Variants in VPS13C observed in about 807,000 individuals in gnomAD.
VPS13C encodes vacuolar protein sorting 13 homolog C.
In VPS13C, 358 loss-of-function variants were observed where a neutral mutation model predicts 456.8. The ratio of observed to expected loss-of-function variants is 0.78; its 90% CI spans 0.72 to 0.86. The LOEUF (loss-of-function observed/expected upper bound fraction) is 0.86, where lower values mean the gene tolerates loss of function less well. VPS13C is among the 40% of genes least tolerant of loss of function. VPS13C has a pLI of 0.00. For missense variants in VPS13C, 4,818 were observed against 4,385.4 expected (o/e 1.10, Z -2.79); for synonymous variants, 1,578 against 1,486.7 (o/e 1.06, Z -1.41).
intron 12 of VPS13C, among the ~76,000 whole-genome samples, chr15:62,011,898 TG>T (rs1328605754): frequency 6.6e-6 from 1 of 152,042 alleles, no homozygotes; most frequent in Non-Finnish European, 1.5e-5. Context: ...ACAGCTATAC[TG>T]CCCTTCTCTC....
chr15:61,961,487 A>G, intron 35 of VPS13C, 102 bp downstream of exon 35: 1 of 1,156,000 alleles, frequency 8.7e-7, no homozygotes, highest in Non-Finnish European at 1.2e-6. Context: ...GTAATGGAAC[A>G]GTTTATTTGA....
intron 3 of VPS13C, 49 bp from the exon 4 acceptor site, chr15:62,035,101 A>C: frequency 7.2e-7 from 1 of 1,389,926 alleles, no homozygotes. Context: ...CTGCTCAAGA[A>C]CACAAAAATT....
chr15:61,931,220 C>A lies in VPS13C; in HGVS notation c.5908G>T (p.Gly1970Cys). ...VAFHNDSFQL[G>C]ELRLHLMASS... ...GCCATAAGATGTAGTCTGAGTTCAC[C>A]AAGTTGGAAACTGTCATTATGAAAT... is the stretch of plus-strand genomic sequence containing the variant. The change falls in exon 50 of 85, where the codon GGT (glycine) becomes TGT (cysteine). Residue 1970 changes from glycine to cysteine, a missense_variant. Gly to Cys is a radical substitution (Grantham distance 159). Around this residue, in one of 3 missense-constraint regions of VPS13C, gnomAD observed 4,552 missense variants for 4,130.6 expected, o/e 1.10. Transcript: ENST00000644861. 1 of 1,613,976 alleles carries A rather than the reference C, an allele frequency of 6.2e-7. No individual in the cohort carries two copies.
Position 62,002,511 on chromosome 15 carries a change from C to T in VPS13C, c.1291-1885G>A, listed in dbSNP as rs184039927. On this transcript the variant is annotated intron_variant, in intron 15 of 84. Transcript: ENST00000644861. ...GGTAGTTTCTTTTGCTGTGCAGAAG[C>T]GCTTTAGTTTAATTAGATCCCACTT... Among the ~76,000 whole-genome samples the T allele has an allele frequency of 6.2e-4, 95 of 152,268 alleles. No homozygotes were observed. In the East Asian group the frequency reaches 0.016, roughly 25 times the overall value.
At chr15:62,007,973 G>C (rs1206354191) in intron 14 of VPS13C, among the ~76,000 whole-genome samples, 1 of 152,122 alleles carries the variant, frequency 6.6e-6, no homozygotes, top group Non-Finnish European at 1.5e-5. Context: ...AGGCACGGTG[G>C]CTCACGCCTG....
chr15:61,984,934 ATTC>A lies in VPS13C; in HGVS notation c.1641_1643del (p.Lys547del), dbSNP rs2045995707. On this transcript the variant is annotated inframe_deletion, in exon 19 of 85. Coordinates refer to ENST00000644861, the MANE Select transcript of VPS13C (RefSeq NM_020821.3). ...TCTGAATTTTTAGTATTTCTGGAAT[ATTC>A]TTGTTTTCTCTTATCGTAACAGAGG... 6.2e-7 allele frequency: 1 copy of A among 1,612,292 alleles called. No individual in the cohort carries two copies. Among genetic ancestry groups the A allele is most frequent in the Admixed American group, 1.7e-5 (1 of 59,758 alleles).
intron 69 of VPS13C, among the ~76,000 whole-genome samples, chr15:61,882,054 T>C (rs1431669431): frequency 6.6e-6 from 1 of 152,162 alleles, no homozygotes; most frequent in Admixed American, 6.6e-5. Context: ...GTATTAACAG[T>C]GTGCAGTATG....
At chr15:61,968,069 AT>A (rs962425611) in intron 28 of VPS13C, among the ~76,000 whole-genome samples, 2 of 152,022 alleles carry the variant, frequency 1.3e-5, no homozygotes, top group African/African-American at 4.8e-5. Flanking sequence ...TATTATTTAT[AT>A]TTTTCCCTCA....
rs184116761 is a variant in VPS13C at position 62,001,509 on chromosome 15, G to A, written c.1291-883C>T. Among the ~76,000 whole-genome samples, 103 of 151,820 alleles carry A rather than the reference G, an allele frequency of 6.8e-4. No homozygotes were observed. The East Asian group carries it at 0.016, about 23-fold the overall frequency. The stretch of plus-strand genomic sequence containing the variant: ...ATTTTTTTTGATTATTTGTTTGTTC[G>A]TATTTACTTTTTTTTTATTATTAGT... On this transcript the variant is annotated intron_variant, in intron 15 of 84. Transcript: ENST00000644861.
At chr15:62,048,506 T>C (rs954241790) in intron 1 of VPS13C, among the ~76,000 whole-genome samples, 4 of 152,164 alleles carry the variant, frequency 2.6e-5, no homozygotes, top group African/African-American at 9.7e-5. Flanking sequence ...TCTATCGTTG[T>C]TGGACACTTG....
chr15:61,958,747 T>C, intron 36 of VPS13C, 31 bp from the exon 37 acceptor site: 3 of 1,184,930 alleles, frequency 2.5e-6, no homozygotes, highest in Non-Finnish European at 2.3e-6. Flanking sequence ...AAAAAAACTA[T>C]ATTACGTTTT....
In VPS13C at chr15:61,867,717, A is replaced by G; in HGVS notation, c.10863+942T>C. The G allele has an allele frequency of 7.2e-7, 1 of 1,393,208 alleles. No homozygotes were observed. The highest frequency in any genetic ancestry group is 9.3e-7 in the Non-Finnish European group (1 of 1,074,724). 86.3% of individuals were successfully genotyped at this position (1,393,208 alleles called of 1,614,324 possible). ...TTCTCTGCATCCTTTAATATTTTATACTAATCTCTTATTTCTGGACAGTAT... is the reference window on the plus strand; with the variant it reads ...TTCTCTGCATCCTTTAATATTTTATGCTAATCTCTTATTTCTGGACAGTAT... On this transcript the variant is annotated intron_variant, in intron 81 of 84. Transcript: ENST00000644861. This position sits in a 1 kb window ranked among gnomAD's most constrained non-coding sequence, Gnocchi z 5.0.
chr15:62,039,512 G>GA (rs1281900598), intron 3 of VPS13C, among the ~76,000 whole-genome samples: 1 of 151,444 alleles, frequency 6.6e-6, no homozygotes, highest in Admixed American at 6.6e-5. Context: ...AACTCTATAG[G>GA]AAAAAATCTA....
chr15:61,961,598 G>A lies in VPS13C; in HGVS notation c.3899C>T (p.Thr1300Ile). 1.3e-6 allele frequency: 2 copies of A among 1,594,758 alleles called. No individual in the cohort carries two copies. The highest frequency in any genetic ancestry group is 2.2e-5 in the East Asian group (1 of 44,692). The change falls in exon 35 of 85, where the codon ACA becomes ATA. Residue 1300 changes from threonine to isoleucine, a missense_variant. By Grantham distance (89) the Thr-to-Ile change is moderately conservative. Around this residue, in one of 3 missense-constraint regions of VPS13C, gnomAD observed 4,552 missense variants for 4,130.6 expected, o/e 1.10. Transcript: ENST00000644861. ...TATTGAAAGAGCATACCTATAAAGT[G>A]TAAGCTTTGTTAGCTGCACATCCAT... is the stretch of plus-strand genomic sequence containing the variant. ...DRMDVQLTKL[T>I]LYRTVIQPGI...
chr15:61,931,796 G>T (rs534053949), intron 49 of VPS13C, among the ~76,000 whole-genome samples: 1 of 151,712 alleles, frequency 6.6e-6, no homozygotes, highest in African/African-American at 2.4e-5. Flanking sequence ...TGGCCAAGCT[G>T]ATCTTGAACT....
chr15:61,855,828 G>A (rs1893874099), intron 83 of VPS13C, among the ~76,000 whole-genome samples: 1 of 152,024 alleles, frequency 6.6e-6, no homozygotes, highest in Non-Finnish European at 1.5e-5. Flanking sequence ...GCAAAAGACA[G>A]AGTATCACTT....
At chr15:61,977,625 T>C (rs543247362) in intron 23 of VPS13C, among the ~76,000 whole-genome samples, 2 of 152,126 alleles carry the variant, frequency 1.3e-5, no homozygotes, top group East Asian at 3.9e-4. Context: ...CAGCTTGGCA[T>C]ACAATTCCAA....
rs767602353 is a variant in VPS13C, at chr15:61,874,950, C to A, written c.10340G>T (p.Gly3447Val). The change falls in exon 77 of 85, where the codon GGT becomes GTT. Residue 3447 changes from glycine (G) to valine (V), a missense_variant and splice_region_variant. Around this residue, in one of 3 missense-constraint regions of VPS13C, gnomAD observed 4,552 missense variants for 4,130.6 expected, o/e 1.10. Transcript: ENST00000644861. ...AAATTCTTCAGGGCCTTGAACAGCA[C>A]CCTGGCAAAAAAAAATAAAAAATAA... ...VEALFYEPFQ[G>V]AVQGPEEFAE... is the part of the protein sequence containing the mutation. 5.2e-6 allele frequency: 8 copies of A among 1,543,774 alleles called. No homozygotes were observed. The East Asian group carries it at 6.9e-5, about 13-fold the overall frequency.
At chr15:62,001,922 T>G (rs2046635204) in intron 15 of VPS13C, among the ~76,000 whole-genome samples, 1 of 152,230 alleles carries the variant, frequency 6.6e-6, no homozygotes, top group Admixed American at 6.5e-5. Context: ...CTATCATTGT[T>G]GGACATTTGG....
Sources: gnomAD v4.1 joint callset for allele counts (sites outside exome capture counted in the v4.1 genomes callset) on GRCh38, gnomAD v4.1.1 for gene constraint, gnomAD v4.1.1 regional missense constraint, Gnocchi (gnomAD v3.1) non-coding constraint, MANE v1.5 for transcripts, NCBI Gene and HGNC (gene_info 2026-07-23, HGNC 2026-07-21) for gene names.